The following BDNF variants were observed in gnomAD, a reference collection of about 807,000 sequenced individuals.
BDNF encodes the protein neurotrophic factor BDNF precursor form.
A neutral mutation model predicts 19.5 loss-of-function variants in BDNF; 1 was observed. The observed-to-expected ratio is 0.05, with a 90% confidence interval of 0.02 to 0.24. BDNF has a LOEUF of 0.24. BDNF is among the 10% of genes least tolerant of loss of function. The probability of loss-of-function intolerance (pLI) is 1.00; values close to 1 mark genes in which losing one functional copy is unlikely to be tolerated. For synonymous variants in BDNF, 100 were observed against 121.6 expected (o/e 0.82, Z 1.17); for missense variants, 195 against 317.6 (o/e 0.61, Z 2.93).
intron 1 of BDNF, among the ~76,000 whole-genome samples, chr11:27,689,740 G>C (rs1034920465): frequency 6.6e-6 from 1 of 152,206 alleles, no homozygotes; most frequent in Admixed American, 6.5e-5. Flanking sequence ...CGGGATACAT[G>C]TGCAGAATGT....
At chr11:27,667,432 G>A (rs1161748673) in intron 1 of BDNF, among the ~76,000 whole-genome samples, 1 of 152,178 alleles carries the variant, frequency 6.6e-6, no homozygotes, top group Non-Finnish European at 1.5e-5. Flanking sequence ...AACCTTAAAT[G>A]TAAATGGGCT....
intron 1 of BDNF, among the ~76,000 whole-genome samples, chr11:27,709,066 T>G (rs1860222822): frequency 6.6e-6 from 1 of 151,978 alleles, no homozygotes; most frequent in South Asian, 2.1e-4. Flanking sequence ...TGACCTCAGG[T>G]GATCCACCCG....
At chr11:27,663,927 G>T (rs1261286943) in intron 1 of BDNF, among the ~76,000 whole-genome samples, 1 of 152,084 alleles carries the variant, frequency 6.6e-6, no homozygotes, top group Non-Finnish European at 1.5e-5. Context: ...AGACAATGTG[G>T]TCTTTTTCTA....
chr11:27,721,427 G>A (rs748125094), exon 1 of BDNF: 2 of 1,614,008 alleles, frequency 1.2e-6, no homozygotes, highest in East Asian at 2.2e-5. Flanking sequence ...TGCCTTTGCT[G>A]TCCTGGAGAC....
chr11:27,701,448 C>A, upstream of BDNF: 1 of 1,021,004 alleles, frequency 9.8e-7, no homozygotes. Flanking sequence ...CCGGTATGTA[C>A]TCCTTCTGTT....
At chr11:27,678,502 A>G (rs1432535999) in intron 1 of BDNF, among the ~76,000 whole-genome samples, 1 of 152,236 alleles carries the variant, frequency 6.6e-6, no homozygotes, top group Admixed American at 6.5e-5. Flanking sequence ...GCCATTGCAT[A>G]CACTGCAAAT....
chr11:27,676,019 A>C (rs2066669039), intron 1 of BDNF: 1 of 152,258 alleles, frequency 6.6e-6, no homozygotes, highest in South Asian at 2.1e-4. Context: ...ATGATGGCAC[A>C]AAAGACAGAA....
At chr11:27,718,639 C>T (rs566491424) in intron 1 of BDNF, among the ~76,000 whole-genome samples, 1 of 143,010 alleles carries the variant, frequency 7.0e-6, no homozygotes, top group African/African-American at 2.5e-5. Flanking sequence ...ACAATCTGTG[C>T]CCCATTCGCT....
intron 1 of BDNF, among the ~76,000 whole-genome samples, chr11:27,687,826 T>G (rs796281650): frequency 6.6e-6 from 1 of 152,170 alleles, no homozygotes; most frequent in South Asian, 2.1e-4. Context: ...AGAGCTCTCC[T>G]GTATGAAGTG....
chr11:27,720,588 A>C, intron 1 of BDNF: 1 of 985,704 alleles, frequency 1.0e-6, no homozygotes, highest in Non-Finnish European at 1.2e-6. Flanking sequence ...ACCTCAGAAA[A>C]GACGCTTTTT....
intron 1 of BDNF, among the ~76,000 whole-genome samples, chr11:27,667,430 A>AGGTTACATT (rs1176373621): frequency 1.3e-5 from 2 of 152,220 alleles, no homozygotes; most frequent in Admixed American, 1.3e-4. Context: ...TTAACCTTAA[A>AGGTTACATT]TGTAAATGGG....
chr11:27,699,313 C>A (rs1859601750), intron 1 of BDNF: 13 of 1,599,046 alleles, frequency 8.1e-6, no homozygotes, highest in South Asian at 1.1e-5. Flanking sequence ...GTAATCTCCC[C>A]TTCTTCTTGC....
upstream of BDNF, chr11:27,700,698 C>A: frequency 8.6e-7 from 1 of 1,161,782 alleles, no homozygotes. Context: ...GGCCCCGCGA[C>A]ATCGCCCTGC....
At chr11:27,701,680 A>G (rs1310851935), upstream of BDNF, 42 of 930,436 alleles carry the variant, frequency 4.5e-5, no homozygotes, top group Non-Finnish European at 5.3e-5. Flanking sequence ...GCGCTGTCAT[A>G]TGATACCTCC....
At chr11:27,668,649 T>C (rs1371063351) in intron 1 of BDNF, among the ~76,000 whole-genome samples, 4 of 152,078 alleles carry the variant, frequency 2.6e-5, no homozygotes, top group African/African-American at 9.7e-5. Flanking sequence ...GCAAATAAAC[T>C]AGAAAACCTA....
intron 1 of BDNF, among the ~76,000 whole-genome samples, chr11:27,662,770 G>T (rs1853666988): frequency 6.6e-6 from 1 of 152,220 alleles, no homozygotes; most frequent in Admixed American, 6.5e-5. Context: ...GGCAATGTTT[G>T]CTCACCCGCC....
At position 27,660,111 on chromosome 11, in the gene BDNF, T is replaced by G. The variant is rs181528398; in HGVS notation, c.-21-1526A>C. ...TATCCAAATAAGTAGGAAAAGGAAC[T>G]GTGTTTCTGCCCATGAAGTTTTACT... On this transcript the variant is annotated intron_variant, in intron 1 of 1. Transcript: ENST00000356660. The G allele has an allele frequency of 4.9e-4, 429 of 873,528 alleles. No homozygotes were observed. In the African/African-American group the frequency reaches 7.5e-3, roughly 15 times the overall value. The allele number at this position is 873,528 out of a possible 1,614,324, so 54.1% of individuals were successfully genotyped here. A position where few individuals can be genotyped will look rare whatever the true frequency, so the allele number is the denominator to read the frequency against.
chr11:27,700,767 C>G, upstream of BDNF: 2 of 1,194,232 alleles, frequency 1.7e-6, no homozygotes, highest in Non-Finnish European at 2.1e-6. Context: ...GAGGGGTGTT[C>G]CAGCCCCAGC....
intron 1 of BDNF, chr11:27,675,481 T>C (rs1222105518): frequency 6.6e-6 from 1 of 152,180 alleles, no homozygotes; most frequent in Non-Finnish European, 1.5e-5. Context: ...AATACTCCTC[T>C]GTCAACTCTA....
Sources: allele counts gnomAD v4.1 joint callset (sites outside exome capture counted in the v4.1 genomes callset), GRCh38; gene constraint gnomAD v4.1.1; transcripts MANE v1.5; gene names NCBI Gene and HGNC (gene_info 2026-07-23, HGNC 2026-07-21).